PDE10A: variants seen among roughly 807,000 people sequenced by gnomAD.
PDE10A encodes cAMP and cAMP-inhibited cGMP 3',5'-cyclic phosphodiesterase 10A.
Under a neutral mutation model 97.7 loss-of-function variants are expected in PDE10A, and 39 were observed. The ratio of observed to expected loss-of-function variants is 0.40; its 90% CI spans 0.31 to 0.52. The LOEUF is 0.52. Ranked by LOEUF, PDE10A falls within the 20% of genes least tolerant of loss-of-function variation. The pLI is 0.56. For missense variants in PDE10A, 731 were observed against 1,047.8 expected, an observed-to-expected ratio of 0.70 and a Z score of 4.17; for synonymous variants, 371 against 376.8, an observed-to-expected ratio of 0.98 and a Z score of 0.18.
At chr6:165,369,898 G>A (rs1371486387) in intron 18 of PDE10A, among the ~76,000 whole-genome samples, 2 of 151,824 alleles carry the variant, frequency 1.3e-5, no homozygotes, top group African/African-American at 4.8e-5. Context: ...AACCCTACAG[G>A]CCAGAAGAGA....
chr6:165,700,036 A>G (rs995675855), intron 1 of PDE10A, among the ~76,000 whole-genome samples: 5 of 152,198 alleles, frequency 3.3e-5, no homozygotes, highest in African/African-American at 1.2e-4. Flanking sequence ...GAAACAAAAC[A>G]CTGGTACACA....
At chr6:165,801,891 A>C (rs1187245210) in intron 1 of PDE10A, among the ~76,000 whole-genome samples, 2 of 152,200 alleles carry the variant, frequency 1.3e-5, no homozygotes, top group East Asian at 3.9e-4. Context: ...CTGCTCCCAC[A>C]GGAGACCCAT....
At chr6:165,630,969 G>T (rs893765072) in intron 1 of PDE10A, among the ~76,000 whole-genome samples, 4 of 152,306 alleles carry the variant, frequency 2.6e-5, no homozygotes, top group African/African-American at 9.6e-5. Flanking sequence ...CTGCAAATCA[G>T]CCCAGTGTAG....
At chr6:165,376,088 A>C (rs1296109056) in intron 18 of PDE10A, among the ~76,000 whole-genome samples, 2 of 152,246 alleles carry the variant, frequency 1.3e-5, no homozygotes, top group Non-Finnish European at 2.9e-5. Flanking sequence ...TTCAAGTCCT[A>C]TTATCTAAGA....
chr6:165,415,567 T>C (rs1275083240), intron 12 of PDE10A, among the ~76,000 whole-genome samples: 1 of 152,212 alleles, frequency 6.6e-6, no homozygotes, highest in Non-Finnish European at 1.5e-5. Flanking sequence ...CTAATATCCA[T>C]CTTTAATAAT....
intron 18 of PDE10A, among the ~76,000 whole-genome samples, chr6:165,359,590 G>T (rs1223781266): frequency 6.6e-6 from 1 of 151,906 alleles, no homozygotes; most frequent in African/African-American, 2.4e-5. Flanking sequence ...ATCAATTTTT[G>T]TTTAACACCT....
At chr6:165,943,121 T>C (rs1783587630) in intron 1 of PDE10A, among the ~76,000 whole-genome samples, 1 of 132,984 alleles carries the variant, frequency 7.5e-6, no homozygotes, top group Non-Finnish European at 1.6e-5. Context: ...AATCGTGCGG[T>C]GGGGCAGGGG....
At chr6:165,504,416 T>C (rs1490508993) in intron 2 of PDE10A, among the ~76,000 whole-genome samples, 1 of 152,238 alleles carries the variant, frequency 6.6e-6, no homozygotes, top group African/African-American at 2.4e-5. Flanking sequence ...AGATAAATGA[T>C]TGAATATTCT....
chr6:165,396,522 C>A (rs1786175588), intron 13 of PDE10A, 63 bp from the exon 14 acceptor site: 2 of 1,492,700 alleles, frequency 1.3e-6, no homozygotes, highest in Non-Finnish European at 9.1e-7. Flanking sequence ...TGTTTTGTCA[C>A]GGAAGTTCAG....
At chr6:165,486,116 T>G (rs1779902451) in intron 2 of PDE10A, among the ~76,000 whole-genome samples, 1 of 152,182 alleles carries the variant, frequency 6.6e-6, no homozygotes, top group South Asian at 2.1e-4. Context: ...AGGGGATTAA[T>G]GAATCACCAA....
intron 1 of PDE10A, among the ~76,000 whole-genome samples, chr6:165,735,727 A>T (rs1792560497): frequency 6.6e-6 from 1 of 152,122 alleles, no homozygotes; most frequent in Admixed American, 6.5e-5. Flanking sequence ...ACGCACATGG[A>T]GGGCAATCTG....
intron 1 of PDE10A, among the ~76,000 whole-genome samples, chr6:165,634,090 C>T (rs1159489804): frequency 1.3e-5 from 2 of 152,110 alleles, no homozygotes; most frequent in African/African-American, 4.8e-5. Context: ...AAGCTGCGGG[C>T]CCCTCCCTCA....
At chr6:165,407,606 G>T (rs1002058141) in intron 13 of PDE10A, among the ~76,000 whole-genome samples, 1 of 152,118 alleles carries the variant, frequency 6.6e-6, no homozygotes, top group Non-Finnish European at 1.5e-5. Context: ...AACGAATAAA[G>T]GTTCAACCAC....
intron 2 of PDE10A, among the ~76,000 whole-genome samples, chr6:165,515,770 C>T (rs186123264): frequency 5.7e-4 from 87 of 152,206 alleles, no homozygotes; most frequent in Non-Finnish European, 9.6e-4. Context: ...GATCCGCCCA[C>T]CTCGGCTTCC....
intron 1 of PDE10A, among the ~76,000 whole-genome samples, chr6:165,886,440 G>A (rs750399520): frequency 2.5e-4 from 38 of 152,256 alleles, no homozygotes; most frequent in Non-Finnish European, 4.6e-4. Context: ...AAGCCCCAAA[G>A]TGCTTGCTGC....
intron 1 of PDE10A, among the ~76,000 whole-genome samples, chr6:165,800,613 AC>A (rs920254631): frequency 6.6e-5 from 10 of 151,926 alleles, no homozygotes; most frequent in African/African-American, 9.7e-5. Context: ...CCAAAGTCCC[AC>A]CCCCCGACTT....
intron 1 of PDE10A, among the ~76,000 whole-genome samples, chr6:165,770,186 G>A (rs1345194414): frequency 2.1e-4 from 30 of 144,116 alleles, no homozygotes; most frequent in Non-Finnish European, 7.5e-5. Flanking sequence ...AAAGGAGTTA[G>A]GTCTTCTCAG....
intron 2 of PDE10A, among the ~76,000 whole-genome samples, chr6:165,542,697 C>A (rs1349745893): frequency 6.9e-6 from 1 of 144,070 alleles, no homozygotes; most frequent in Non-Finnish European, 1.5e-5. Context: ...CGGCTCACTG[C>A]AAGCTCCGCC....
intron 3 of PDE10A, among the ~76,000 whole-genome samples, chr6:165,451,613 A>G (rs982172480): frequency 7.2e-5 from 11 of 152,224 alleles, no homozygotes; most frequent in African/African-American, 2.4e-4. Flanking sequence ...TTGATCATTC[A>G]GATAACCTCC....
Sources: gnomAD v4.1 joint callset for allele counts (sites outside exome capture counted in the v4.1 genomes callset) on GRCh38, gnomAD v4.1.1 for gene constraint, MANE v1.5 for transcripts, NCBI Gene and HGNC (gene_info 2026-07-23, HGNC 2026-07-21) for gene names.